Variants in ESR1 observed in about 807,000 individuals in gnomAD.
ESR1 encodes the protein estrogen receptor 1.
In ESR1, 12 loss-of-function variants were observed where a neutral mutation model predicts 52.7. The observed-to-expected ratio is 0.23, with a 90% CI of 0.15 to 0.37. The LOEUF is 0.37. ESR1 is among the 10% of genes least tolerant of loss of function. ESR1 has a pLI of 1.00. For synonymous variants in ESR1, 305 were observed against 316.8 expected, an observed-to-expected ratio of 0.96 and a Z score of 0.39; for missense variants, 584 against 779.7, an observed-to-expected ratio of 0.75 and a Z score of 2.99.
chr6:152,006,379 C>G (rs1395544002), intron 4 of ESR1, among the ~76,000 whole-genome samples: 1 of 151,644 alleles, frequency 6.6e-6, no homozygotes, highest in Non-Finnish European at 1.5e-5. Flanking sequence ...AGAGTCCAAA[C>G]ATTTTTTTTT....
chr6:151,806,694 A>G (rs1777938741), upstream of ESR1, among the ~76,000 whole-genome samples: 1 of 151,992 alleles, frequency 6.6e-6, no homozygotes, highest in South Asian at 2.1e-4. Context: ...ATCGAGTTGT[A>G]GGACTAAAGG....
At chr6:151,809,060 T>G (rs1474711170) in intron 1 of ESR1, 3 of 278,584 alleles carry the variant, frequency 1.1e-5, no homozygotes. Context: ...AGCCGGAAAT[T>G]TGTAGGTGTC....
intron 2 of ESR1, among the ~76,000 whole-genome samples, chr6:151,734,780 G>A (rs1782519452): frequency 6.6e-6 from 1 of 151,910 alleles, no homozygotes; most frequent in Admixed American, 6.6e-5. Context: ...GAACCACCAT[G>A]CCAGGCTAAT....
chr6:151,858,996 G>C (rs1220901430), intron 2 of ESR1, among the ~76,000 whole-genome samples: 2 of 152,176 alleles, frequency 1.3e-5, no homozygotes, highest in Non-Finnish European at 2.9e-5. Context: ...GGTTACAGTA[G>C]CATTCTTCTA....
intron 1 of ESR1, among the ~76,000 whole-genome samples, chr6:151,827,715 T>C (rs1781745416): frequency 6.6e-6 from 1 of 152,222 alleles, no homozygotes; most frequent in African/African-American, 2.4e-5. Context: ...AGAGTTTGTA[T>C]TGATTCGCAC....
chr6:151,754,088 C>G (rs926285954), intron 2 of ESR1, among the ~76,000 whole-genome samples: 1 of 152,046 alleles, frequency 6.6e-6, no homozygotes, highest in African/African-American at 2.4e-5. Flanking sequence ...GCAGGAAGGA[C>G]AGAGTAAATG....
At chr6:151,956,828 ATATAAATATAAATAAATATAT>A (rs2036988903) in intron 4 of ESR1, among the ~76,000 whole-genome samples, 1 of 36,736 alleles carries the variant, frequency 2.7e-5, no homozygotes, top group South Asian at 5.0e-4. Context: ...ATAAAAATAT[ATATAAATATAAATAAATATAT>A]ATATATATAT....
At chr6:151,704,561 G>T (rs753342189) in intron 2 of ESR1, among the ~76,000 whole-genome samples, 7 of 152,168 alleles carry the variant, frequency 4.6e-5, no homozygotes, top group African/African-American at 1.7e-4. Context: ...GGCCACAAAA[G>T]TCAATTCTTA....
At chr6:151,910,802 G>A (rs1476985880) in intron 3 of ESR1, among the ~76,000 whole-genome samples, 1 of 152,036 alleles carries the variant, frequency 6.6e-6, no homozygotes, top group Non-Finnish European at 1.5e-5. Context: ...GTATGCCTTC[G>A]ATGTACATAA....
chr6:151,702,508 C>A (rs1779873852), intron 2 of ESR1, among the ~76,000 whole-genome samples: 1 of 152,128 alleles, frequency 6.6e-6, no homozygotes, highest in African/African-American at 2.4e-5. Flanking sequence ...TTTAATTTAA[C>A]CCTAAAATAG....
intron 4 of ESR1, among the ~76,000 whole-genome samples, chr6:151,954,725 C>G (rs1390901093): frequency 1.3e-5 from 2 of 152,120 alleles, no homozygotes; most frequent in Non-Finnish European, 2.9e-5. Context: ...CATTCAAGGC[C>G]CTGAGCTATA....
At chr6:151,933,068 G>A (rs2033888236) in intron 3 of ESR1, among the ~76,000 whole-genome samples, 1 of 151,966 alleles carries the variant, frequency 6.6e-6, no homozygotes, top group African/African-American at 2.4e-5. Flanking sequence ...TCACGATATT[G>A]ATTCTTCCTA....
At chr6:151,803,612 GA>G (rs1777482290), upstream of ESR1, among the ~76,000 whole-genome samples, 1 of 152,122 alleles carries the variant, frequency 6.6e-6, no homozygotes, top group African/African-American at 2.4e-5. Context: ...AAAAATCCAA[GA>G]AAGTAAACAG....
chr6:152,048,651 T>C (rs997678975), intron 5 of ESR1, among the ~76,000 whole-genome samples: 3 of 152,182 alleles, frequency 2.0e-5, no homozygotes, highest in Non-Finnish European at 4.4e-5. Flanking sequence ...ACATAGGAGA[T>C]TCCAACTCAA....
chr6:152,115,370 T>C (rs1164330904), intron 6 of ESR1, among the ~76,000 whole-genome samples: 1 of 152,230 alleles, frequency 6.6e-6, no homozygotes, highest in African/African-American at 2.4e-5. Flanking sequence ...ACAGGGGGCC[T>C]CTCTGTCTTG....
chr6:152,076,620 G>C (rs2048754991), intron 6 of ESR1, among the ~76,000 whole-genome samples: 1 of 152,184 alleles, frequency 6.6e-6, no homozygotes, highest in Admixed American at 6.5e-5. Flanking sequence ...GAATGGCCTT[G>C]ACAAGAATAC....
chr6:151,941,619 A>C (rs1376068954), intron 3 of ESR1, among the ~76,000 whole-genome samples: 1 of 151,620 alleles, frequency 6.6e-6, no homozygotes, highest in Admixed American at 6.6e-5. Flanking sequence ...CGGAGGGGCT[A>C]CTGGAGGTCA....
At chr6:151,919,875 A>AAC (rs956648975) in intron 3 of ESR1, among the ~76,000 whole-genome samples, 22 of 152,042 alleles carry the variant, frequency 1.4e-4, no homozygotes, top group Non-Finnish European at 2.9e-4. Context: ...ATGTTCTAGA[A>AAC]ACACACACAC....
chr6:151,698,317 CAT>C, intron 1 of ESR1, among the ~76,000 whole-genome samples: 1 of 151,090 alleles, frequency 6.6e-6, no homozygotes, highest in South Asian at 2.1e-4. Context: ...AGTGAGCTGA[CAT>C]AGCGCCACTG....
Sources: allele counts gnomAD v4.1 joint callset (sites outside exome capture counted in the v4.1 genomes callset), GRCh38; gene constraint gnomAD v4.1.1; transcripts MANE v1.5; gene names NCBI Gene and HGNC (gene_info 2026-07-23, HGNC 2026-07-21).